SLC26A6: variants seen among roughly 807,000 people sequenced by gnomAD.
SLC26A6 encodes anion exchange transporter.
In SLC26A6, 67 loss-of-function variants were observed where a neutral mutation model predicts 87.1. The observed-to-expected ratio is 0.77, with a 90% CI of 0.63 to 0.94. The LOEUF is 0.94. SLC26A6 is among the 40% of genes least tolerant of loss of function. The probability of loss-of-function intolerance (pLI) is 0.00; values close to 1 mark genes in which losing one functional copy is unlikely to be tolerated. For synonymous variants in SLC26A6, 414 were observed against 405.9 expected, an observed-to-expected ratio of 1.02 and a Z score of -0.24; for missense variants, 902 against 973.0, an observed-to-expected ratio of 0.93 and a Z score of 0.97.
Position 48,631,122 on chromosome 3 carries a change from G to T in SLC26A6, c.1005C>A (p.Ala335=). The T allele has an allele frequency of 6.2e-7, 1 of 1,613,634 alleles. No individual in the cohort carries two copies. Among genetic ancestry groups the T allele is most frequent in the African/African-American group, 1.3e-5 (1 of 75,044 alleles). The change falls in exon 9 of 21, where the codon GCC becomes GCA. Residue 335 remains alanine, a synonymous_variant. Coordinates refer to ENST00000395550, the MANE Select transcript of SLC26A6 (RefSeq NM_022911.3). ...NIPAGLVPPV[A]PNTQLFSKLV... is the part of the protein sequence containing the mutation. The stretch of plus-strand genomic sequence containing the variant: ...GCTTTGAGAACAGCTGGGTGTTGGG[G>T]GCCACTGGGGGCACCAGCCTGTGAG...
rs111443612 is a variant in SLC26A6 at position 48,629,620 on chromosome 3, T to C, written c.1599+22A>G. ...CCTCCGTCTCCCCATCCACACCATC[T>C]CACTCAGCCCCTGACACTCACCTCT... On this transcript the variant is annotated intron_variant, in intron 14 of 20. Transcript: ENST00000395550. 2.5e-5 allele frequency: 40 copies of C among 1,590,620 alleles called. No homozygotes were observed. In the African/African-American group the frequency reaches 2.8e-4, roughly 11 times the overall value.
chr3:48,632,110 G>T lies in SLC26A6; in HGVS notation c.586-66C>A, dbSNP rs576504817. ...TGGGGTTGCTAATGAGGAGCGCAGG[G>T]CAAGTGGGATGGGAGGGGGATGAGT... is the stretch of plus-strand genomic sequence containing the variant. On this transcript the variant is annotated intron_variant, in intron 5 of 20. Transcript: ENST00000395550. 1,091 of 1,600,176 alleles carry T rather than the reference G, an allele frequency of 6.8e-4. 1 individual carries two copies. Among genetic ancestry groups the T allele is most frequent in the African/African-American group, 5.8e-3 (430 of 74,622 alleles).
rs781054270 is a variant in SLC26A6, at chr3:48,630,100, C to T, written c.1384G>A (p.Asp462Asn). ...NLKGMLRQLS[D>N]MRSLWKANRA... Reference sequence around the variant, plus strand: ...TTGGCCTTCCAGAGGGAGCGCATGTCGCTGAGCTGCCTCAGCATGCCCTTC... The same window carrying T: ...TTGGCCTTCCAGAGGGAGCGCATGTTGCTGAGCTGCCTCAGCATGCCCTTC... The change falls in exon 12 of 21, where the codon GAC becomes AAC. Residue 462 changes from aspartate (D) to asparagine (N), a missense_variant. By Grantham distance (23) the Asp-to-Asn change is conservative. Around this residue, in one of 3 missense-constraint regions of SLC26A6, gnomAD observed 800 missense variants for 856.8 expected, o/e 0.93. Transcript: ENST00000395550. The T allele has an allele frequency of 1.8e-5, 29 of 1,611,664 alleles. No homozygotes were observed. The East Asian group carries it at 4.9e-4, about 27-fold the overall frequency.
Position 48,627,132 on chromosome 3 carries a change from A to G in SLC26A6, c.1894-77T>C. 5 of 1,534,754 alleles carry G rather than the reference A, an allele frequency of 3.3e-6. No individual in the cohort carries two copies. The East Asian group carries it at 1.1e-4, about 35-fold the overall frequency. ...ACTGGCCGCACACAGACACGCGAGAACACGCAAGGTCAGATGGGGAGCATG... is the reference window on the plus strand; with the variant it reads ...ACTGGCCGCACACAGACACGCGAGAGCACGCAAGGTCAGATGGGGAGCATG... On this transcript the variant is annotated intron_variant, in intron 17 of 20. Coordinates refer to ENST00000395550, the MANE Select transcript of SLC26A6 (RefSeq NM_022911.3).
chr3:48,633,376 C>T lies in SLC26A6; in HGVS notation c.197G>A (p.Arg66Gln), dbSNP rs750000037. 56 of 1,613,380 alleles carry T rather than the reference C, an allele frequency of 3.5e-5. 1 individual carries two copies. Among genetic ancestry groups the T allele is most frequent in the South Asian group, 1.5e-4 (14 of 91,088 alleles). Residue 66 changes from arginine (R) to glutamine (Q), a missense_variant, in exon 3 of 21, where the codon CGG becomes CAG. By Grantham distance (43) the Arg-to-Gln change is conservative. Coordinates refer to ENST00000395550, the MANE Select transcript of SLC26A6 (RefSeq NM_022911.3). ...WRTWLQCSRARAYALLLQHLP... is the reference protein window; with the variant it reads ...WRTWLQCSRAQAYALLLQHLP... ...GTGTTGGAGCAGAAGGGCATAGGCC[C>T]GAGCACGGGAGCACCTAGGGACATG... is the stretch of plus-strand genomic sequence containing the variant.
intron 13 of SLC26A6, 60 bp from the exon 14 acceptor site, chr3:48,629,771 C>T: frequency 1.2e-6 from 2 of 1,610,060 alleles, no homozygotes; most frequent in Non-Finnish European, 1.7e-6. Flanking sequence ...ACAGAGGGGT[C>T]CGAAGGAGCC....
intron 4 of SLC26A6, 92 bp downstream of exon 4, chr3:48,632,882 C>T (rs1278015523): frequency 1.4e-5 from 18 of 1,296,428 alleles, no homozygotes; most frequent in Admixed American, 4.0e-5. Flanking sequence ...CCCTCTTCCC[C>T]AGCCGCTCCT....
In SLC26A6 at chr3:48,628,554, A is replaced by T; in HGVS notation, c.1693-13T>A. On this transcript the variant is annotated splice_polypyrimidine_tract_variant and intron_variant, in intron 15 of 20. Coordinates refer to ENST00000395550, the MANE Select transcript of SLC26A6 (RefSeq NM_022911.3). The surrounding 1 kb of genome is among the most constrained non-coding windows in gnomAD (Gnocchi z 4.4). ...CATCCACACCACACTGGAGGCAAAC[A>T]TCAGAGAAGGGTTGGTGAGCTCTCT... 6.2e-7 allele frequency: 1 copy of T among 1,614,072 alleles called. No homozygotes were observed. The highest frequency in any genetic ancestry group is 8.5e-7 in the Non-Finnish European group (1 of 1,179,982).
At position 48,630,176 on chromosome 3, in the gene SLC26A6, C is replaced by T. The variant is rs769719592; in HGVS notation, c.1327-19G>A. 6.5e-5 allele frequency: 104 copies of T among 1,601,034 alleles called. No individual in the cohort carries two copies. The highest frequency in any genetic ancestry group is 2.3e-4 in the Admixed American group (14 of 59,824). ...GGACCGCCTGGGGTGGGGACAGTGC[C>T]ACCAGGGGCCATTGAGGGCACCCGA... On this transcript the variant is annotated intron_variant, in intron 11 of 20. Coordinates refer to ENST00000395550, the MANE Select transcript of SLC26A6 (RefSeq NM_022911.3).
At chr3:48,630,828 C>T (rs2046766204) in intron 9 of SLC26A6, 108 bp from the exon 10 acceptor site, 5 of 1,501,106 alleles carry the variant, frequency 3.3e-6, no homozygotes, top group Middle Eastern at 1.8e-4. Flanking sequence ...CCAAGTGGCC[C>T]CCAGAGACTG....
Position 48,628,684 on chromosome 3 carries a change from G to A in SLC26A6, c.1630C>T (p.Arg544Cys), listed in dbSNP as rs767256137. Residue 544 changes from arginine (R) to cysteine (C), a missense_variant, in exon 15 of 21, where the codon CGC becomes TGC. Arg to Cys is a radical substitution (Grantham distance 180). This residue lies in a region of SLC26A6 where 800 missense variants were observed against 856.8 expected (regional missense o/e 0.93). Coordinates refer to ENST00000395550, the MANE Select transcript of SLC26A6 (RefSeq NM_022911.3). The surrounding 1 kb of genome is among the most constrained non-coding windows in gnomAD (Gnocchi z 4.4). The part of the protein sequence containing the change: ...AKEVRGVKVF[R>C]SSATVYFANA... The stretch of plus-strand genomic sequence containing the variant: ...GCAAAGTACACGGTGGCCGAGGAGC[G>A]GAAGACCTTCACCCCCCGGACTTCC... The A allele has an allele frequency of 1.9e-5, 30 of 1,613,304 alleles. No homozygotes were observed. The highest frequency in any genetic ancestry group is 1.7e-4 in the African/African-American group (13 of 74,872).
chr3:48,626,530 T>C, intron 19 of SLC26A6, 101 bp downstream of exon 19: 2 of 1,572,570 alleles, frequency 1.3e-6, no homozygotes, highest in South Asian at 1.1e-5. Flanking sequence ...TGACCTCCAG[T>C]TCCAGAGAAA....
In SLC26A6 at chr3:48,628,379, T is replaced by TGGGGCAG. The variant is rs2046684339; in HGVS notation, c.1800+48_1800+54dup. The TGGGGCAG allele has an allele frequency of 1.3e-6, 2 of 1,557,566 alleles. No individual in the cohort carries two copies. Among genetic ancestry groups the TGGGGCAG allele is most frequent in the African/African-American group, 3.3e-5 (2 of 61,212 alleles). On this transcript the variant is annotated intron_variant, in intron 16 of 20. Transcript: ENST00000395550. This position sits in a 1 kb window ranked among gnomAD's most constrained non-coding sequence, Gnocchi z 4.4. ...AGGAGTCGGGGGCCAGGAGAAAGGC[T>TGGGGCAG]GGGGCAGGGAACAGGGGGCAGGAGA...
Position 48,628,379 on chromosome 3 carries a change from T to C in SLC26A6, c.1800+55A>G. 2 of 1,557,606 alleles carry C rather than the reference T, an allele frequency of 1.3e-6. No individual in the cohort carries two copies. Among genetic ancestry groups the C allele is most frequent in the Admixed American group, 1.8e-5 (1 of 54,548 alleles). ...AGGAGTCGGGGGCCAGGAGAAAGGC[T>C]GGGGCAGGGAACAGGGGGCAGGAGA... is the stretch of plus-strand genomic sequence containing the variant. On this transcript the variant is annotated intron_variant, in intron 16 of 20. Transcript: ENST00000395550. This position sits in a 1 kb window ranked among gnomAD's most constrained non-coding sequence, Gnocchi z 4.4.
chr3:48,631,323 A>T lies in SLC26A6; in HGVS notation c.904-17T>A. 6.4e-7 allele frequency: 1 copy of T among 1,557,826 alleles called. No homozygotes were observed. Among genetic ancestry groups the T allele is most frequent in the Non-Finnish European group, 8.7e-7 (1 of 1,151,776 alleles). The stretch of plus-strand genomic sequence containing the variant: ...CCCGATGAGCTGTGGGAGAGGACAG[A>T]GTCAGGGAGGCAGGTGCTGGCACCA... On this transcript the variant is annotated splice_polypyrimidine_tract_variant and intron_variant, in intron 7 of 20. Coordinates refer to ENST00000395550, the MANE Select transcript of SLC26A6 (RefSeq NM_022911.3).
Position 48,633,558 on chromosome 3 carries a change from G to A in SLC26A6, c.101C>T (p.Pro34Leu), listed in dbSNP as rs376577251. 2.7e-5 allele frequency: 44 copies of A among 1,613,390 alleles called. No homozygotes were observed. The highest frequency in any genetic ancestry group is 1.6e-4 in the Middle Eastern group (1 of 6,084). ...LRRRDYHMER[P>L]LLNQEHLEEL... ...CTCCAAATGCTCCTGGTTCAGCAGC[G>A]GCCGTTCCATGTGGTAGTCTCGCCT... The change falls in exon 2 of 21, where the codon CCG becomes CTG. Residue 34 changes from proline to leucine, a missense_variant. Around this residue, in one of 3 missense-constraint regions of SLC26A6, gnomAD observed 800 missense variants for 856.8 expected, o/e 0.93. Transcript: ENST00000395550.
In SLC26A6 at chr3:48,628,760, G is replaced by A. The variant is rs1421570677; in HGVS notation, c.1600-46C>T. 2 of 1,590,430 alleles carry A rather than the reference G, an allele frequency of 1.3e-6. No individual in the cohort carries two copies. Among genetic ancestry groups the A allele is most frequent in the South Asian group, 2.2e-5 (2 of 89,122 alleles). ...GTGGTGGCTGAATCTCCTCTCTCCT[G>A]GCTGCATCCTGTTCTCCTGCCTTTC... On this transcript the variant is annotated intron_variant, in intron 14 of 20. Coordinates refer to ENST00000395550, the MANE Select transcript of SLC26A6 (RefSeq NM_022911.3). The surrounding 1 kb of genome is among the most constrained non-coding windows in gnomAD (Gnocchi z 4.4).
At chr3:48,626,399 G>T in intron 19 of SLC26A6, 45 bp from the exon 20 acceptor site, 1 of 1,612,782 alleles carries the variant, frequency 6.2e-7, no homozygotes. Flanking sequence ...GAACCTCTAG[G>T]AACTCAACTC....
In SLC26A6 at chr3:48,633,315, C is replaced by T. The variant is rs1236435821; in HGVS notation, c.258G>A (p.Val86=). 1 of 1,613,636 alleles carries T rather than the reference C, an allele frequency of 6.2e-7. No homozygotes were observed. The highest frequency in any genetic ancestry group is 1.7e-5 in the Admixed American group (1 of 60,024). The change falls in exon 3 of 21, where the codon GTG becomes GTA. Residue 86 remains valine, a synonymous_variant. Transcript: ENST00000395550. ...ACAGGTCACCCAGGAGCCAGTCACG[C>T]ACAGGATACCGGGGTAACCAGACCA... ...PVLVWLPRYP[V]RDWLLGDLLS... is the part of the protein sequence containing the mutation.
Sources: allele counts gnomAD v4.1 joint callset, GRCh38; gene constraint gnomAD v4.1.1; regional missense constraint gnomAD v4.1.1; non-coding constraint Gnocchi (gnomAD v3.1); transcripts MANE v1.5; gene names NCBI Gene and HGNC (gene_info 2026-07-23, HGNC 2026-07-21).